CACNA1F: variants seen among roughly 807,000 people sequenced by gnomAD.
The protein encoded by CACNA1F is calcium voltage-gated channel subunit alpha1 F, also known as voltage-dependent L-type calcium channel subunit alpha-1F.
In CACNA1F, 59 loss-of-function variants were observed where a neutral mutation model predicts 143.8. That is an observed-to-expected ratio of 0.41 (90% CI 0.33 to 0.51). The LOEUF is 0.51. Ranked by LOEUF, CACNA1F falls within the 20% of genes least tolerant of loss-of-function variation. CACNA1F has a pLI of 0.22. For missense variants in CACNA1F, 1,411 were observed against 1,647.5 expected (o/e 0.86, Z 2.48); for synonymous variants, 643 against 649.1 (o/e 0.99, Z 0.14).
At chrX:49,220,663 G>A (rs1021525566) in intron 18 of CACNA1F, 139 bp from the exon 19 acceptor site, 11 of 554,904 alleles carry the variant, frequency 2.0e-5, no homozygotes, top group Non-Finnish European at 3.4e-5. Context: ...ATGGCTGGGC[G>A]CAGTGGCTCA....
intron 42 of CACNA1F, 68 bp from the exon 43 acceptor site, chrX:49,208,752 T>C: frequency 2.0e-6 from 2 of 986,121 alleles, no homozygotes; most frequent in Non-Finnish European, 1.4e-6. Context: ...ATATAACATG[T>C]CTCCCCCACA....
Position 49,225,974 on chromosome X carries a change from A to T in CACNA1F, c.1586T>A (p.Phe529Tyr), listed in dbSNP as rs782119108. The change falls in exon 13 of 48, where the codon TTC becomes TAC. Residue 529 changes from phenylalanine to tyrosine, a missense_variant. Physicochemically the swap from Phe to Tyr is conservative, Grantham distance 22 (BLOSUM62 3). Transcript: ENST00000323022. ...AGAGGCGATGGTCAACGTGTTGAGGAAGACGAGCAACAGCACAGCCCAGTA... is the reference window on the plus strand; with the variant it reads ...AGAGGCGATGGTCAACGTGTTGAGGTAGACGAGCAACAGCACAGCCCAGTA... ...ACYWAVLLLV[F>Y]LNTLTIASEH... 3.6e-5 allele frequency: 42 copies of T among 1,170,543 alleles called. No individual in the cohort carries two copies. The highest frequency in any genetic ancestry group is 4.8e-5 in the Non-Finnish European group (42 of 874,992).
At chrX:49,231,374 TC>T in intron 2 of CACNA1F, 67 bp from the exon 3 acceptor site, 1 of 809,936 alleles carries the variant, frequency 1.2e-6, no homozygotes, top group Non-Finnish European at 1.8e-6. Context: ...CTTGGGAACC[TC>T]CCACCCAGTG....
At position 49,230,859 on chromosome X, in the gene CACNA1F, A is replaced by G; in HGVS notation, c.512T>C (p.Val171Ala). 6.8e-6 allele frequency: 8 copies of G among 1,180,249 alleles called. No individual in the cohort carries two copies. Among genetic ancestry groups the G allele is most frequent in the Non-Finnish European group, 8.0e-6 (7 of 879,325 alleles). The change falls in exon 4 of 48, where the codon GTC (valine) becomes GCC (alanine). Residue 171 changes from valine to alanine, a missense_variant. Val to Ala is a moderately conservative substitution (Grantham distance 64, BLOSUM62 0). Transcript: ENST00000323022. ...TCCCGCAGACGCGCACCCGACCACG[A>G]CGATGATGAAGTCGAGTAGGTTCCA... ...NGWNLLDFII[V>A]VVGLFSVLLE... is the part of the protein sequence containing the mutation.
intron 21 of CACNA1F, 62 bp downstream of exon 21, chrX:49,219,259 G>A: frequency 1.8e-6 from 2 of 1,142,210 alleles, no homozygotes; most frequent in Non-Finnish European, 2.4e-6. Flanking sequence ...GACCCAGCTT[G>A]TGCCCACTAG....
In CACNA1F at chrX:49,225,984, A is replaced by G. The variant is rs920361849; in HGVS notation, c.1576T>C (p.Leu526=). 21 of 1,174,423 alleles carry G rather than the reference A, an allele frequency of 1.8e-5. No individual in the cohort carries two copies. Among genetic ancestry groups the G allele is most frequent in the Non-Finnish European group, 2.4e-5 (21 of 877,065 alleles). ...GTCAACGTGTTGAGGAAGACGAGCA[A>G]CAGCACAGCCCAGTAGCAGGCATTG... is the stretch of plus-strand genomic sequence containing the variant. The part of the protein sequence containing the change: ...KSNACYWAVL[L]LVFLNTLTIA... The change falls in exon 13 of 48, where the codon TTG becomes CTG. Residue 526 remains leucine (L), a synonymous_variant. Transcript: ENST00000323022.
intron 11 of CACNA1F, 60 bp from the exon 12 acceptor site, chrX:49,226,303 T>C: frequency 1.8e-6 from 2 of 1,128,406 alleles, no homozygotes; most frequent in Non-Finnish European, 2.4e-6. Flanking sequence ...TGTCAGTGAC[T>C]GGGGCCAGAG....
chrX:49,215,673 A>G, intron 27 of CACNA1F, 130 bp from the exon 28 acceptor site: 1 of 467,069 alleles, frequency 2.1e-6, no homozygotes, highest in Non-Finnish European at 3.7e-6. Context: ...AGACCCCTAA[A>G]TCTCCTGACC....
At position 49,231,860 on chromosome X, in the gene CACNA1F, C is replaced by T; in HGVS notation, c.93G>A (p.Gly31=). 1.7e-6 allele frequency: 2 copies of T among 1,186,630 alleles called. No individual in the cohort carries two copies. The highest frequency in any genetic ancestry group is 3.5e-5 in the African/African-American group (2 of 57,333). ...GPGPEWGLCP[G]PPAVEGESSG... ...TGCTTTCACCTTCCACAGCTGGGGG[C>T]CCGGGGCACAGCCCCCATTCGGGAC... The change falls in exon 2 of 48, where the codon GGG becomes GGA. Residue 31 remains glycine (G), a synonymous_variant. Transcript: ENST00000323022.
rs34308720 is a variant in CACNA1F, at chrX:49,213,869, C to T, written c.3742G>A (p.Ala1248Thr). Residue 1248 changes from alanine to threonine, a missense_variant, in exon 31 of 48, where the codon GCT becomes ACT. This residue lies in a region of CACNA1F where 950 missense variants were observed against 1,128.1 expected (regional missense o/e 0.84). Coordinates refer to ENST00000323022, the MANE Select transcript of CACNA1F (RefSeq NM_001256789.3). ...YFTDAWNTFD[A>T]LIVVGSIVDI... ...ACTATGCTGCCCACCACAATAAGAG[C>T]GTCAAACGTGTTCCAGGCATCAGTG... 948 of 1,201,898 alleles carry T rather than the reference C, an allele frequency of 7.9e-4. 4 individuals carry two copies. The African/African-American group carries it at 0.015, about 20-fold the overall frequency.
rs782423543 is a variant in CACNA1F, at chrX:49,232,794, TTCTC to T, written c.25+487_25+490del. The stretch of plus-strand genomic sequence containing the variant: ...GCTTACTACCACCATCAAGTATGTC[TTCTC>T]TCTCTTTCTCTCTTTTGTTTTTGTT... On this transcript the variant is annotated intron_variant, in intron 1 of 47. Transcript: ENST00000323022. Among the ~76,000 whole-genome samples the T allele has an allele frequency of 9.3e-4, 103 of 110,696 alleles. 1 individual carries two copies. The highest frequency in any genetic ancestry group is 1.6e-3 in the Non-Finnish European group (85 of 52,865).
chrX:49,218,439 G>A lies in CACNA1F; in HGVS notation c.2928+16C>T. On this transcript the variant is annotated intron_variant, in intron 24 of 47. Transcript: ENST00000323022. Reference sequence around the variant, plus strand: ...GCAGGGCCTGGGTCCTGTGGGTTTGGGTGGGGTGGGGTTACCTTGAGTCCC... The same window carrying A: ...GCAGGGCCTGGGTCCTGTGGGTTTGAGTGGGGTGGGGTTACCTTGAGTCCC... 4 of 1,159,099 alleles carry A rather than the reference G, an allele frequency of 3.5e-6. No individual in the cohort carries two copies. Among genetic ancestry groups the A allele is most frequent in the Non-Finnish European group, 4.6e-6 (4 of 864,007 alleles).
At chrX:49,208,861 C>T (rs1557105551) in intron 42 of CACNA1F, 177 bp from the exon 43 acceptor site, 9 of 483,623 alleles carry the variant, frequency 1.9e-5, no homozygotes, top group Non-Finnish European at 3.3e-5. Context: ...GGGTCTTGTC[C>T]TGTCACCAGG....
In CACNA1F at chrX:49,231,000, G is replaced by A; in HGVS notation, c.382-11C>T. ...GTACTCCACCTGCTCCTGGGGGTGG[G>A]ACCGGGGGGCGGGTCGGGAAGTCGA... On this transcript the variant is annotated splice_polypyrimidine_tract_variant and intron_variant, in intron 3 of 47. Transcript: ENST00000323022. The A allele has an allele frequency of 2.0e-6, 2 of 1,023,113 alleles. No individual in the cohort carries two copies. Among genetic ancestry groups the A allele is most frequent in the South Asian group, 1.9e-5 (1 of 52,107 alleles). 84.3% of individuals were successfully genotyped at this position (1,023,113 alleles called of 1,213,427 possible).
chrX:49,218,391 G>A (rs1446562698), intron 24 of CACNA1F, 64 bp downstream of exon 24: 6 of 934,944 alleles, frequency 6.4e-6, no homozygotes, highest in Non-Finnish European at 9.0e-6. Context: ...AGTTTGATCA[G>A]TGATCCTGGC....
chrX:49,219,750 CTCT>C lies in CACNA1F; in HGVS notation c.2424_2426del (p.Glu814del), dbSNP rs1273924129. The C allele has an allele frequency of 1.8e-6, 2 of 1,122,614 alleles. No individual in the cohort carries two copies. The highest frequency in any genetic ancestry group is 3.2e-5 in the East Asian group (1 of 31,605). 92.5% of individuals were successfully genotyped at this position (1,122,614 alleles called of 1,213,427 possible). On this transcript the variant is annotated inframe_deletion, in exon 20 of 48. Coordinates refer to ENST00000323022, the MANE Select transcript of CACNA1F (RefSeq NM_001256789.3). The stretch of plus-strand genomic sequence containing the variant: ...CCCCTGCACCCTCTTCCTCTTCTTC[CTCT>C]TCTTCCTCTTCTTCCTCCTCCTCCT...
At chrX:49,217,620 G>A in intron 26 of CACNA1F, 135 bp downstream of exon 26, 1 of 591,192 alleles carries the variant, frequency 1.7e-6, no homozygotes, top group Non-Finnish European at 2.9e-6. Flanking sequence ...CCGAAGACTT[G>A]GTGAGATCTG....
chrX:49,208,593 A>G lies in CACNA1F; in HGVS notation c.5045T>C (p.Phe1682Ser). 1 of 1,209,983 alleles carries G rather than the reference A, an allele frequency of 8.3e-7. No homozygotes were observed. The highest frequency in any genetic ancestry group is 1.1e-6 in the Non-Finnish European group (1 of 894,278). The part of the protein sequence containing the change: ...VGDRLPDSLS[F>S]GPSDDDRGTP... Reference sequence around the variant, plus strand: ...CCCCCTGTCATCATCACTGGGCCCAAAGGAGAGTGAATCTGGAAGTCTGTC... The same window carrying G: ...CCCCCTGTCATCATCACTGGGCCCAGAGGAGAGTGAATCTGGAAGTCTGTC... Residue 1682 changes from phenylalanine (F) to serine (S), a missense_variant, in exon 43 of 48, where the codon TTT becomes TCT. By Grantham distance (155) the Phe-to-Ser change is radical. Transcript: ENST00000323022.
chrX:49,226,339 G>A lies in CACNA1F; in HGVS notation c.1463+70C>T, dbSNP rs916499695. 7.0e-6 allele frequency: 8 copies of A among 1,136,779 alleles called. No individual in the cohort carries two copies. The African/African-American group carries it at 1.3e-4, about 18-fold the overall frequency. The allele number at this position is 1,136,779 out of a possible 1,213,427, so 93.7% of individuals were successfully genotyped here. A position where few individuals can be genotyped will look rare whatever the true frequency, so the allele number is the denominator to read the frequency against. On this transcript the variant is annotated intron_variant, in intron 11 of 47. Transcript: ENST00000323022. ...GTCAAGGACTGAGATCGAGGCTTGA[G>A]GCTAAAGAAAGGACTTGAGTCAGGG...
Sources: gnomAD v4.1 joint callset for allele counts (sites outside exome capture counted in the v4.1 genomes callset) on GRCh38, gnomAD v4.1.1 for gene constraint, gnomAD v4.1.1 regional missense constraint, MANE v1.5 for transcripts, NCBI Gene and HGNC (gene_info 2026-07-23, HGNC 2026-07-21) for gene names.